The following NPSR1 variants were observed in gnomAD, a reference collection of about 807,000 sequenced individuals.
NPSR1 encodes the protein neuropeptide S receptor 1.
In NPSR1, 48 loss-of-function variants were observed where a neutral mutation model predicts 46.9. The ratio of observed to expected loss-of-function variants is 1.02; its 90% CI spans 0.81 to 1.30. NPSR1 has a LOEUF of 1.30. Among genes scored for constraint, NPSR1 ranks in the 50% most tolerant of loss-of-function variants. The pLI, the probability that NPSR1 is intolerant of heterozygous loss-of-function variation, is 0.00. For synonymous variants in NPSR1, 176 were observed against 168.1 expected, an observed-to-expected ratio of 1.05 and a Z score of -0.36; for missense variants, 450 against 449.5, an observed-to-expected ratio of 1.00 and a Z score of -0.01.
intron 2 of NPSR1, among the ~76,000 whole-genome samples, chr7:34,712,250 A>C (rs1180431893): frequency 6.6e-6 from 1 of 152,190 alleles, no homozygotes; most frequent in African/African-American, 2.4e-5. Context: ...ATACTTACAT[A>C]ATATTAATTT....
intron 4 of NPSR1, among the ~76,000 whole-genome samples, chr7:34,825,316 A>T (rs1789771942): frequency 6.6e-6 from 1 of 152,168 alleles, no homozygotes; most frequent in Non-Finnish European, 1.5e-5. Flanking sequence ...CACTATTCTC[A>T]GTCTCTCACC....
At chr7:34,685,622 G>A (rs925308709) in intron 2 of NPSR1, 3 of 361,402 alleles carry the variant, frequency 8.3e-6, no homozygotes, top group Non-Finnish European at 1.6e-5. Flanking sequence ...TGTAGTAATG[G>A]TAGTGGAGCT....
intron 8 of NPSR1, among the ~76,000 whole-genome samples, chr7:34,874,303 T>C (rs13307570): frequency 3.3e-5 from 5 of 152,228 alleles, no homozygotes; most frequent in African/African-American, 1.2e-4. Flanking sequence ...CAGGATCTTC[T>C]TGTAAGAACT....
chr7:34,663,041 T>TTCTCTC lies in NPSR1; in HGVS notation c.147+4504_147+4509dup, dbSNP rs376420280. 2.9e-3 allele frequency among the ~76,000 whole-genome samples: 318 copies of TTCTCTC among 108,314 alleles called. 9 individuals carry two copies. Among genetic ancestry groups the TTCTCTC allele is most frequent in the East Asian group, 0.014 (59 of 4,332 alleles). The allele number at this position is 108,314 out of a possible 152,430, so 71.1% of individuals were successfully genotyped here. ...CAGGGGCAGTGCTTCTGTAGTGCAT[T>TTCTCTC]TCTCTCTCTCTCTCTCTCTCTCTCT... On this transcript the variant is annotated intron_variant, in intron 1 of 8. Transcript: ENST00000360581.
At chr7:34,730,931 G>A (rs1784389553) in intron 2 of NPSR1, among the ~76,000 whole-genome samples, 1 of 152,184 alleles carries the variant, frequency 6.6e-6, no homozygotes, top group African/African-American at 2.4e-5. Flanking sequence ...TAGGAGAGGA[G>A]AGGGGCAGGA....
In NPSR1 at chr7:34,668,776, G is replaced by A. The variant is rs1293215119; in HGVS notation, c.147+10217G>A. On this transcript the variant is annotated intron_variant, in intron 1 of 8. Transcript: ENST00000360581. ...AAGAGCTAGAGAGATACAGAGTAACGAACCTTGCCCTGGCTCTCATAAGCT... is the reference window on the plus strand; with the variant it reads ...AAGAGCTAGAGAGATACAGAGTAACAAACCTTGCCCTGGCTCTCATAAGCT... Among the ~76,000 whole-genome samples the A allele has an allele frequency of 2.6e-5, 4 of 152,082 alleles. No homozygotes were observed. In the East Asian group the frequency reaches 7.7e-4, roughly 29 times the overall value.
At chr7:34,665,081 G>A (rs1048766632) in intron 1 of NPSR1, among the ~76,000 whole-genome samples, 1 of 152,088 alleles carries the variant, frequency 6.6e-6, no homozygotes, top group South Asian at 2.1e-4. Context: ...GAAGTTAAAG[G>A]TGTAAACTTC....
chr7:34,835,206 T>A (rs754391983), intron 6 of NPSR1, among the ~76,000 whole-genome samples: 3 of 152,166 alleles, frequency 2.0e-5, no homozygotes, highest in Non-Finnish European at 2.9e-5. Flanking sequence ...GAAGACTGGC[T>A]CCGCTCAGCT....
intron 2 of NPSR1, among the ~76,000 whole-genome samples, chr7:34,736,741 T>C (rs1191036980): frequency 1.3e-5 from 2 of 152,022 alleles, no homozygotes; most frequent in Non-Finnish European, 2.9e-5. Context: ...GCTAGGACTA[T>C]GGTCATGCAG....
rs140562391 is a variant in NPSR1 at position 34,783,865 on chromosome 7, A to T, written c.384+5300A>T. Among the ~76,000 whole-genome samples, 263 of 152,204 alleles carry T rather than the reference A, an allele frequency of 1.7e-3. 1 individual carries two copies. Among genetic ancestry groups the T allele is most frequent in the African/African-American group, 6.2e-3 (258 of 41,554 alleles). ...AGGAGAGACTAGAAGAACATATGTAAGGAAGGAAAAACAAACTGCCAACCA... is the reference window on the plus strand; with the variant it reads ...AGGAGAGACTAGAAGAACATATGTATGGAAGGAAAAACAAACTGCCAACCA... On this transcript the variant is annotated intron_variant, in intron 3 of 8. Coordinates refer to ENST00000360581, the MANE Select transcript of NPSR1 (RefSeq NM_207172.2).
chr7:34,842,591 C>T (rs1472499542), intron 6 of NPSR1, among the ~76,000 whole-genome samples: 4 of 152,258 alleles, frequency 2.6e-5, no homozygotes, highest in Middle Eastern at 3.4e-3. Context: ...TCTTACAAGG[C>T]GGAGGTTCGT....
At chr7:34,815,320 C>T (rs753146522) in intron 4 of NPSR1, among the ~76,000 whole-genome samples, 1 of 152,066 alleles carries the variant, frequency 6.6e-6, no homozygotes, top group Non-Finnish European at 1.5e-5. Flanking sequence ...GAAAGGGTGT[C>T]AGTGATTGAA....
At chr7:34,693,424 C>A (rs1793364010) in intron 2 of NPSR1, among the ~76,000 whole-genome samples, 3 of 152,094 alleles carry the variant, frequency 2.0e-5, no homozygotes, top group African/African-American at 4.8e-5. Flanking sequence ...AAACATACAA[C>A]CCCCTAAGAT....
chr7:34,818,257 A>G (rs1789355622), intron 4 of NPSR1, among the ~76,000 whole-genome samples: 2 of 152,222 alleles, frequency 1.3e-5, no homozygotes. Flanking sequence ...AATCACAAGC[A>G]TTCCTATACA....
chr7:34,664,830 A>G (rs143980533), intron 1 of NPSR1, among the ~76,000 whole-genome samples: 21 of 152,328 alleles, frequency 1.4e-4, no homozygotes, highest in Non-Finnish European at 1.9e-4. Context: ...AAGATTTTCC[A>G]GGCCACAGAT....
At chr7:34,772,690 G>T (rs740347) in intron 2 of NPSR1, among the ~76,000 whole-genome samples, 1 of 152,072 alleles carries the variant, frequency 6.6e-6, no homozygotes, top group Non-Finnish European at 1.5e-5. Flanking sequence ...GGGCACCCTA[G>T]AGCATAAATA....
At chr7:34,689,210 C>G (rs1024521951) in intron 2 of NPSR1, among the ~76,000 whole-genome samples, 7 of 152,166 alleles carry the variant, frequency 4.6e-5, no homozygotes, top group African/African-American at 2.4e-5. Flanking sequence ...AGAACTTCTC[C>G]CAGTAAACAA....
At chr7:34,874,998 G>GT (rs1791542937) in intron 8 of NPSR1, among the ~76,000 whole-genome samples, 2 of 152,002 alleles carry the variant, frequency 1.3e-5, no homozygotes, top group South Asian at 4.2e-4. Context: ...ATCTCACCTG[G>GT]TGCACTATAC....
At position 34,790,735 on chromosome 7, in the gene NPSR1, A is replaced by C. The variant is rs1384781221; in HGVS notation, c.384+12170A>C. Among the ~76,000 whole-genome samples the C allele has an allele frequency of 1.7e-5, 2 of 120,512 alleles. 1 individual carries two copies. Among genetic ancestry groups the C allele is most frequent in the African/African-American group, 6.4e-5 (2 of 31,066 alleles). The allele number at this position is 120,512 out of a possible 152,430, so 79.1% of individuals were successfully genotyped here. A position where few individuals can be genotyped will look rare whatever the true frequency, so the allele number is the denominator to read the frequency against. ...ATATATAATATATGTTATATGTTAT[A>C]TGTTATATATAATATATGTTATATG... On this transcript the variant is annotated intron_variant, in intron 3 of 8. Coordinates refer to ENST00000360581, the MANE Select transcript of NPSR1 (RefSeq NM_207172.2).
Sources: gnomAD v4.1 joint callset for allele counts (sites outside exome capture counted in the v4.1 genomes callset) on GRCh38, gnomAD v4.1.1 for gene constraint, MANE v1.5 for transcripts, NCBI Gene and HGNC (gene_info 2026-07-23, HGNC 2026-07-21) for gene names.